The following TNKS variants were observed in gnomAD, a reference collection of about 807,000 sequenced individuals.
TNKS encodes tankyrase.
In TNKS, 72 loss-of-function variants were observed where a neutral mutation model predicts 135.8. That is an observed-to-expected ratio of 0.53 (90% CI 0.44 to 0.64). TNKS has a LOEUF of 0.64. Among genes scored for constraint, TNKS ranks in the 30% least tolerant of loss-of-function variants. TNKS has a pLI of 0.00. For synonymous variants in TNKS, 849 were observed against 649.3 expected (o/e 1.31, Z -4.68); for missense variants, 1,769 against 1,674.0 (o/e 1.06, Z -0.99).
intron 23 of TNKS, 110 bp from the exon 24 acceptor site, chr8:9,765,582 G>C (rs547426112): frequency 2.4e-6 from 2 of 833,496 alleles, no homozygotes; most frequent in Admixed American, 4.7e-5. Flanking sequence ...TTTAAATTAT[G>C]TCTTAAGCAA....
At position 9,702,309 on chromosome 8, in the gene TNKS, G is replaced by GCACA. The variant is rs750772294; in HGVS notation, c.1108-2339_1108-2336dup. On this transcript the variant is annotated intron_variant, in intron 5 of 26. Transcript: ENST00000310430. ...ATTGTGGGCATGCATGCGTGTGCGT[G>GCACA]CACACACACACACACACATACACAC... Among the ~76,000 whole-genome samples, 247 of 150,042 alleles carry GCACA rather than the reference G, an allele frequency of 1.6e-3. 1 individual carries two copies. Among genetic ancestry groups the GCACA allele is most frequent in the East Asian group, 8.2e-3 (42 of 5,122 alleles).
At chr8:9,613,396 T>A (rs1799532370) in intron 2 of TNKS, among the ~76,000 whole-genome samples, 1 of 152,208 alleles carries the variant, frequency 6.6e-6, no homozygotes, top group Admixed American at 6.5e-5. Context: ...AATCTTGTAA[T>A]CTTGTATGAA....
chr8:9,638,600 A>C (rs887814264), intron 3 of TNKS, among the ~76,000 whole-genome samples: 8 of 152,232 alleles, frequency 5.3e-5, no homozygotes, highest in African/African-American at 1.9e-4. Context: ...AATTATTCTA[A>C]GTTTATTTTG....
intron 5 of TNKS, among the ~76,000 whole-genome samples, chr8:9,693,741 G>A (rs1256114307): frequency 2.6e-5 from 4 of 152,206 alleles, no homozygotes; most frequent in Non-Finnish European, 5.9e-5. Context: ...TAAGAAAACT[G>A]ATTACAAAAC....
intron 20 of TNKS, among the ~76,000 whole-genome samples, chr8:9,759,987 CAA>C (rs1233204829): frequency 0.013 from 1,653 of 129,486 alleles, 14 homozygotes; most frequent in African/African-American, 0.027. Context: ...CAAAAGAAAA[CAA>C]AACAAAAAAA....
At chr8:9,698,632 G>A (rs189795601) in intron 5 of TNKS, among the ~76,000 whole-genome samples, 126 of 152,252 alleles carry the variant, frequency 8.3e-4, no homozygotes, top group African/African-American at 2.9e-3. Context: ...TGCAAAACCA[G>A]GATTTAAAAG....
intron 3 of TNKS, among the ~76,000 whole-genome samples, chr8:9,629,815 T>C (rs1800215568): frequency 6.6e-6 from 1 of 152,208 alleles, no homozygotes; most frequent in Non-Finnish European, 1.5e-5. Context: ...CCTGAGTAGC[T>C]GGGACTACAG....
rs36213271 is a variant in TNKS at position 9,731,460 on chromosome 8, CAAAAAAAAAAA to C, written c.2147+439_2147+449del. Among the ~76,000 whole-genome samples the C allele has an allele frequency of 3.7e-3, 251 of 67,542 alleles. 1 individual carries two copies. Among genetic ancestry groups the C allele is most frequent in the Admixed American group, 0.02 (95 of 4,748 alleles). 44.3% of individuals were successfully genotyped at this position (67,542 alleles called of 152,430 possible). On this transcript the variant is annotated intron_variant, in intron 14 of 26. Coordinates refer to ENST00000310430, the MANE Select transcript of TNKS (RefSeq NM_003747.3). Reference sequence around the variant, plus strand: ...GGGCAACAAGAGCGAAATTCCATCTCAAAAAAAAAAAAAAAAAAAAAAAACATAGAAATGTA... The same window carrying C: ...GGGCAACAAGAGCGAAATTCCATCTCAAAAAAAAAAAAACATAGAAATGTA...
In TNKS at chr8:9,638,694, G is replaced by T. The variant is rs566724382; in HGVS notation, c.994+23017G>T. 1.7e-4 allele frequency among the ~76,000 whole-genome samples: 26 copies of T among 152,292 alleles called. 2 individuals carry two copies. The highest frequency in any genetic ancestry group is 6.3e-4 in the African/African-American group (26 of 41,558). On this transcript the variant is annotated intron_variant, in intron 3 of 26. Transcript: ENST00000310430. The stretch of plus-strand genomic sequence containing the variant: ...TATTTTAAAACATAATTTAACCAAA[G>T]AGTGGAAGTAAAGATAGTTTCCCTT...
At chr8:9,584,795 G>T (rs577012473) in intron 2 of TNKS, among the ~76,000 whole-genome samples, 1 of 152,310 alleles carries the variant, frequency 6.6e-6, no homozygotes, top group African/African-American at 2.4e-5. Context: ...GAAGGAGACA[G>T]AGTATGTTCC....
At chr8:9,669,424 CAAAAAAAA>C (rs536063027) in intron 3 of TNKS, among the ~76,000 whole-genome samples, 1 of 94,890 alleles carries the variant, frequency 1.1e-5, no homozygotes. Flanking sequence ...GACTCCGCCT[CAAAAAAAA>C]AAAAAAAAAA....
rs1585449794 is a variant in TNKS, at chr8:9,771,182, AGAGGAAGGAAGGAAGT to A, written c.3897+925_3897+940del. ...ACAGGAAGGAAAGGAGGGAGAGAAG[AGAGGAAGGAAGGAAGT>A]GAGGGAGGAAGAGAGAGAGGAAGGG... On this transcript the variant is annotated intron_variant, in intron 26 of 26. Coordinates refer to ENST00000310430, the MANE Select transcript of TNKS (RefSeq NM_003747.3). Among the ~76,000 whole-genome samples, 3 of 142,106 alleles carry A rather than the reference AGAGGAAGGAAGGAAGT, an allele frequency of 2.1e-5. No homozygotes were observed. The East Asian group carries it at 6.9e-4, about 33-fold the overall frequency. The allele number at this position is 142,106 out of a possible 152,430, so 93.2% of individuals were successfully genotyped here. A position where few individuals can be genotyped will look rare whatever the true frequency, so the allele number is the denominator to read the frequency against.
At chr8:9,659,586 G>C (rs916996735) in intron 3 of TNKS, among the ~76,000 whole-genome samples, 1 of 152,086 alleles carries the variant, frequency 6.6e-6, no homozygotes, top group African/African-American at 2.4e-5. Flanking sequence ...ACTCAAAGCA[G>C]TGTGTAGAGG....
intron 1 of TNKS, among the ~76,000 whole-genome samples, chr8:9,576,926 G>A (rs1282720423): frequency 6.6e-6 from 1 of 151,934 alleles, no homozygotes; most frequent in East Asian, 1.9e-4. Context: ...AAACACAAGT[G>A]TTTAAAAAAC....
intron 18 of TNKS, among the ~76,000 whole-genome samples, chr8:9,750,025 A>T (rs530303896): frequency 1.3e-5 from 2 of 152,192 alleles, no homozygotes; most frequent in Non-Finnish European, 2.9e-5. Context: ...CTCCACCCAC[A>T]AATCTTTTCA....
chr8:9,723,487 A>T (rs916596693), intron 12 of TNKS, among the ~76,000 whole-genome samples: 2 of 152,234 alleles, frequency 1.3e-5, no homozygotes, highest in Non-Finnish European at 2.9e-5. Flanking sequence ...AGAAGTTTAC[A>T]TTAATAAAGT....
chr8:9,741,584 C>T, intron 17 of TNKS: 1 of 339,174 alleles, frequency 2.9e-6, no homozygotes, highest in Non-Finnish European at 6.8e-6. Flanking sequence ...CTTCACCTTG[C>T]ACAGTCTTTA....
intron 3 of TNKS, among the ~76,000 whole-genome samples, chr8:9,657,891 G>A (rs1585288623): frequency 7.6e-6 from 1 of 131,568 alleles, no homozygotes; most frequent in East Asian, 2.5e-4. Flanking sequence ...AGACGGGGTG[G>A]TTGCCAGGCA....
chr8:9,671,277 G>C (rs991723772), intron 3 of TNKS: 2 of 152,086 alleles, frequency 1.3e-5, no homozygotes, highest in African/African-American at 4.8e-5. Context: ...GAAGTTATTT[G>C]TCCATACAAA....
Sources: allele counts gnomAD v4.1 joint callset (sites outside exome capture counted in the v4.1 genomes callset), GRCh38; gene constraint gnomAD v4.1.1; transcripts MANE v1.5; gene names NCBI Gene and HGNC (gene_info 2026-07-23, HGNC 2026-07-21).